Variants in PKHD1 observed in about 807,000 individuals in gnomAD.
The protein encoded by PKHD1 is fibrocystin.
In PKHD1, 291 loss-of-function variants were observed where a neutral mutation model predicts 412.0. The observed-to-expected ratio is 0.71, with a 90% confidence interval of 0.64 to 0.78. PKHD1 has a LOEUF of 0.78. Ranked by LOEUF, PKHD1 falls within the 30% of genes least tolerant of loss-of-function variation. The probability of loss-of-function intolerance (pLI) is 0.00; values close to 1 mark genes in which losing one functional copy is unlikely to be tolerated. For missense variants in PKHD1, 4,825 were observed against 4,950.7 expected, an observed-to-expected ratio of 0.97 and a Z score of 0.76; for synonymous variants, 1,777 against 1,821.5, an observed-to-expected ratio of 0.98 and a Z score of 0.62.
At chr6:51,815,348 G>A (rs1173426125) in intron 52 of PKHD1, among the ~76,000 whole-genome samples, 1 of 152,134 alleles carries the variant, frequency 6.6e-6, no homozygotes, top group Non-Finnish European at 1.5e-5. Flanking sequence ...GGTGTTGTAG[G>A]AACCCAGCGG....
chr6:52,044,147 C>T (rs961949160), intron 25 of PKHD1, among the ~76,000 whole-genome samples: 1 of 152,162 alleles, frequency 6.6e-6, no homozygotes, highest in Non-Finnish European at 1.5e-5. Flanking sequence ...GAATATATAA[C>T]TAAAGACTAG....
intron 43 of PKHD1, among the ~76,000 whole-genome samples, chr6:51,888,264 T>C (rs75133867): frequency 6.6e-6 from 1 of 152,236 alleles, no homozygotes. Flanking sequence ...ATGTATTTTA[T>C]GTGTTCATAT....
intron 49 of PKHD1, among the ~76,000 whole-genome samples, chr6:51,848,198 T>C (rs1771555591): frequency 6.6e-6 from 1 of 152,172 alleles, no homozygotes; most frequent in African/African-American, 2.4e-5. Flanking sequence ...CTATGAAGAC[T>C]GAAAGATGCC....
chr6:51,800,554 G>C (rs1326569), intron 52 of PKHD1, among the ~76,000 whole-genome samples: 89,635 of 151,816 alleles, frequency 0.59, 27,106 homozygotes, highest in East Asian at 0.83. Flanking sequence ...CATGTAAGTT[G>C]AACGCTAGAT....
chr6:51,827,320 T>A (rs1767476107), intron 52 of PKHD1, among the ~76,000 whole-genome samples: 1 of 152,152 alleles, frequency 6.6e-6, no homozygotes, highest in South Asian at 2.1e-4. Context: ...CTTTCATCTG[T>A]AATTCCATTA....
intron 49 of PKHD1, among the ~76,000 whole-genome samples, chr6:51,848,324 T>C (rs1424317915): frequency 3.3e-5 from 5 of 152,184 alleles, no homozygotes; most frequent in Non-Finnish European, 5.9e-5. Context: ...AGGTCTAGAA[T>C]TCCTTTCCAG....
At chr6:52,070,504 C>T in intron 9 of PKHD1, 59 bp from the exon 10 acceptor site, 1 of 1,314,444 alleles carries the variant, frequency 7.6e-7, no homozygotes, top group Non-Finnish European at 1.1e-6. Context: ...CTGGGCCAGG[C>T]CATTGCTTTC....
intron 43 of PKHD1, among the ~76,000 whole-genome samples, chr6:51,889,171 A>G (rs1005948223): frequency 2.0e-5 from 3 of 152,018 alleles, no homozygotes; most frequent in South Asian, 2.1e-4. Context: ...GAATGTCTGG[A>G]GTATCCTCCT....
chr6:51,967,789 G>A (rs930975325), intron 35 of PKHD1, among the ~76,000 whole-genome samples: 1 of 152,166 alleles, frequency 6.6e-6, no homozygotes, highest in Non-Finnish European at 1.5e-5. Flanking sequence ...CTAACACACT[G>A]CCATTTAACC....
intron 48 of PKHD1, among the ~76,000 whole-genome samples, chr6:51,862,401 T>G (rs1007725691): frequency 2.0e-5 from 3 of 152,206 alleles, no homozygotes; most frequent in Non-Finnish European, 4.4e-5. Context: ...CTTTTTCTAC[T>G]TTAATTCTGT....
chr6:52,024,611 G>A lies in PKHD1; in HGVS notation c.5199C>T (p.Thr1733=), dbSNP rs148790132. Residue 1733 remains threonine, a synonymous_variant, in exon 32 of 67, where the codon ACC becomes ACT. Coordinates refer to ENST00000371117, the MANE Select transcript of PKHD1 (RefSeq NM_138694.4). The stretch of plus-strand genomic sequence containing the variant: ...TCACTGCTGTAATAATAACTCTTGA[G>A]GTGAACACCAGGGCAGATGAGGCCC... The part of the protein sequence containing the change: ...RGWASSALVF[T]SRVIITAVTE... 75 of 1,614,112 alleles carry A rather than the reference G, an allele frequency of 4.6e-5. 1 individual carries two copies. In the African/African-American group the frequency reaches 8.5e-4, roughly 18 times the overall value.
chr6:51,939,337 G>C (rs1355099660), intron 36 of PKHD1, among the ~76,000 whole-genome samples: 1 of 151,112 alleles, frequency 6.6e-6, no homozygotes, highest in South Asian at 2.1e-4. Flanking sequence ...TAGGGGGCAA[G>C]AACCCGCTGA....
At chr6:52,050,088 C>T (rs962425336) in intron 22 of PKHD1, 69 bp downstream of exon 22, 38 of 1,514,046 alleles carry the variant, frequency 2.5e-5, no homozygotes, top group Admixed American at 6.7e-5. Flanking sequence ...AAAAAAGTCA[C>T]ACCTGTGTCC....
At chr6:51,950,221 ATAT>A (rs746995656) in intron 36 of PKHD1, among the ~76,000 whole-genome samples, 1 of 34,802 alleles carries the variant, frequency 2.9e-5, no homozygotes, top group African/African-American at 9.5e-5. Context: ...AAAAAAAAAA[ATAT>A]ATATATATAT....
At chr6:51,881,251 T>C (rs566584803) in intron 46 of PKHD1, among the ~76,000 whole-genome samples, 145 of 152,248 alleles carry the variant, frequency 9.5e-4, no homozygotes, top group Non-Finnish European at 1.4e-3. Flanking sequence ...AATTTTATTC[T>C]GTATATTTGA....
chr6:51,672,680 T>A (rs1433280204), intron 60 of PKHD1, among the ~76,000 whole-genome samples: 1 of 152,150 alleles, frequency 6.6e-6, no homozygotes, highest in Non-Finnish European at 1.5e-5. Flanking sequence ...GAGTCATAGG[T>A]ATTAAAGTTA....
At chr6:51,773,354 T>C (rs1490655313) in intron 54 of PKHD1, among the ~76,000 whole-genome samples, 1 of 151,952 alleles carries the variant, frequency 6.6e-6, no homozygotes, top group Non-Finnish European at 1.5e-5. Flanking sequence ...GAAATGTGCT[T>C]GATACAGCTC....
chr6:51,883,067 T>C, intron 46 of PKHD1, 26 bp downstream of exon 46: 5 of 1,604,198 alleles, frequency 3.1e-6, no homozygotes, highest in Non-Finnish European at 4.3e-6. Flanking sequence ...ATTGACAGCC[T>C]AAAACAACCA....
At chr6:52,026,529 T>C (rs2499479) in intron 31 of PKHD1, among the ~76,000 whole-genome samples, 70,191 of 151,844 alleles carry the variant, frequency 0.46, 17,698 homozygotes, top group Admixed American at 0.59. Context: ...TATTATATTA[T>C]TGGAAATATT....
Sources: gnomAD v4.1 joint callset for allele counts (sites outside exome capture counted in the v4.1 genomes callset) on GRCh38, gnomAD v4.1.1 for gene constraint, MANE v1.5 for transcripts, NCBI Gene and HGNC (gene_info 2026-07-23, HGNC 2026-07-21) for gene names.